Variants in MRTFB observed in about 807,000 individuals in gnomAD.
MRTFB encodes the protein myocardin-related transcription factor B.
In MRTFB, 29 loss-of-function variants were observed where a neutral mutation model predicts 104.2. That is an observed-to-expected ratio of 0.28 (90% CI 0.21 to 0.38). The LOEUF is 0.38. MRTFB is among the 10% of genes least tolerant of loss of function. The pLI, the probability that MRTFB is intolerant of heterozygous loss-of-function variation, is 1.00. For missense variants in MRTFB, 1,270 were observed against 1,341.6 expected, an observed-to-expected ratio of 0.95 and a Z score of 0.83; for synonymous variants, 535 against 519.5, an observed-to-expected ratio of 1.03 and a Z score of -0.41.
chr16:14,218,922 A>G lies in MRTFB; in HGVS notation c.617A>G (p.Gln206Arg), dbSNP rs2041555641. ...GACCAGCCTGCGAGTCAGGAGTCAC[A>G]GGGGTCAGCCGCGTCCCCAAGTGAG... Reference protein sequence around the residue: ...SPDQPASQESQGSAASPSEPK... With the variant: ...SPDQPASQESRGSAASPSEPK... The change falls in exon 8 of 17, where the codon CAG becomes CGG. Residue 206 changes from glutamine (Q) to arginine (R), a missense_variant. Around this residue, in one of 3 missense-constraint regions of MRTFB, gnomAD observed 1,144 missense variants for 1,131.5 expected, o/e 1.01. Transcript: ENST00000571589. The G allele has an allele frequency of 1.2e-6, 2 of 1,614,004 alleles. No homozygotes were observed. The highest frequency in any genetic ancestry group is 1.7e-6 in the Non-Finnish European group (2 of 1,180,000).
At chr16:14,032,116 G>A in the MRTFB span, among the ~76,000 whole-genome samples, 1 of 152,150 alleles carries the variant, frequency 6.6e-6, no homozygotes, top group East Asian at 1.9e-4. Flanking sequence ...CTAATGAGGT[G>A]ACTTTTGAAA....
At chr16:14,247,557 C>A in intron 12 of MRTFB, 50 bp downstream of exon 12, 1 of 1,481,194 alleles carries the variant, frequency 6.8e-7, no homozygotes, top group Non-Finnish European at 9.0e-7. Flanking sequence ...GCATGGAATG[C>A]AAACCCTGCT....
intron 3 of MRTFB, among the ~76,000 whole-genome samples, chr16:14,191,126 A>G (rs767107100): frequency 1.4e-4 from 21 of 152,260 alleles, no homozygotes; most frequent in South Asian, 6.2e-4. Context: ...TGCATACTCT[A>G]CCTGTACTGT....
Position 14,261,292 on chromosome 16 carries a change from G to A in MRTFB, c.3148G>A (p.Asp1050Asn), listed in dbSNP as rs767419987. 1.7e-5 allele frequency: 27 copies of A among 1,613,996 alleles called. No individual in the cohort carries two copies. The highest frequency in any genetic ancestry group is 5.3e-5 in the African/African-American group (4 of 74,992). ...FAAGTPCLSL[D>N]LSDSNLDNME... ...TGCAGGTACTCCCTGTCTGTCTCTC[G>A]ACCTGTCAGACTCAAACTTGGACAA... is the stretch of plus-strand genomic sequence containing the variant. The change falls in exon 17 of 17, where the codon GAC (aspartate) becomes AAC (asparagine). Residue 1050 changes from aspartate (D) to asparagine (N), a missense_variant. Asp to Asn is a conservative substitution (Grantham distance 23, BLOSUM62 1). Transcript: ENST00000571589.
the MRTFB span, among the ~76,000 whole-genome samples, chr16:14,053,921 A>T: frequency 1.3e-5 from 2 of 152,254 alleles, no homozygotes; most frequent in African/African-American, 4.8e-5. Flanking sequence ...AAACATGGGG[A>T]TGCAGATATT....
chr16:14,016,097 C>G, the MRTFB span: 1 of 397,568 alleles, frequency 2.5e-6, no homozygotes, highest in Non-Finnish European at 4.4e-6. Flanking sequence ...AGCTGGGAGG[C>G]AGGAAGTTTG....
intron 13 of MRTFB, among the ~76,000 whole-genome samples, chr16:14,249,880 G>C (rs527318954): frequency 2.0e-5 from 3 of 152,330 alleles, no homozygotes; most frequent in South Asian, 4.1e-4. Context: ...AGGATAGTGT[G>C]AACTGTCTGG....
At chr16:14,074,289 A>G (rs1393566945) in intron 1 of MRTFB, among the ~76,000 whole-genome samples, 2 of 152,216 alleles carry the variant, frequency 1.3e-5, no homozygotes, top group Admixed American at 6.5e-5. Flanking sequence ...AGCAAGCAGT[A>G]TCTTGTTCCA....
intron 8 of MRTFB, among the ~76,000 whole-genome samples, chr16:14,228,725 T>G (rs1295842939): frequency 1.3e-5 from 2 of 152,276 alleles, no homozygotes; most frequent in African/African-American, 4.8e-5. Flanking sequence ...ATTTATACGT[T>G]GGAATAGTAT....
chr16:14,044,194 A>G, the MRTFB span, among the ~76,000 whole-genome samples: 1 of 152,308 alleles, frequency 6.6e-6, no homozygotes, highest in Non-Finnish European at 1.5e-5. Flanking sequence ...ATAAACACCA[A>G]CTGGTGACAA....
chr16:14,215,681 G>A (rs143540934), intron 6 of MRTFB, among the ~76,000 whole-genome samples: 23 of 152,300 alleles, frequency 1.5e-4, no homozygotes, highest in African/African-American at 5.3e-4. Context: ...CATCTTGTAT[G>A]GTTAGAAGTG....
At position 14,217,260 on chromosome 16, in the gene MRTFB, G is replaced by T. The variant is rs1405042371; in HGVS notation, c.487G>T (p.Asp163Tyr). The T allele has an allele frequency of 6.2e-7, 1 of 1,612,066 alleles. No homozygotes were observed. Among genetic ancestry groups the T allele is most frequent in the African/African-American group, 1.3e-5 (1 of 74,980 alleles). Residue 163 changes from aspartate to tyrosine, a missense_variant, in exon 7 of 17, where the codon GAC becomes TAC. Asp to Tyr is a radical substitution (Grantham distance 160, BLOSUM62 -3). Coordinates refer to ENST00000571589, the MANE Select transcript of MRTFB (RefSeq NM_001308142.2). Reference sequence around the variant, plus strand: ...GGTAGAGAAAAACATCCTTCCTGTGGACTCCAGTGTTAAAGAAGCAATTAT... The same window carrying T: ...GGTAGAGAAAAACATCCTTCCTGTGTACTCCAGTGTTAAAGAAGCAATTAT... Reference protein sequence around the residue: ...ELVEKNILPVDSSVKEAIIGV... With the variant: ...ELVEKNILPVYSSVKEAIIGV...
chr16:14,100,148 A>G (rs929637738), intron 2 of MRTFB, among the ~76,000 whole-genome samples: 5 of 152,224 alleles, frequency 3.3e-5, no homozygotes, highest in African/African-American at 1.2e-4. Context: ...AATGTTGAAT[A>G]GAAATGTAAA....
intron 15 of MRTFB, among the ~76,000 whole-genome samples, chr16:14,253,149 T>C (rs1010104943): frequency 1.3e-5 from 2 of 152,160 alleles, no homozygotes; most frequent in African/African-American, 4.8e-5. Flanking sequence ...AGGGTTCCTA[T>C]TTGTAAAAGC....
chr16:14,252,486 A>C lies in MRTFB; in HGVS notation c.2687A>C (p.Gln896Pro). The C allele has an allele frequency of 6.2e-7, 1 of 1,613,936 alleles. No homozygotes were observed. Among genetic ancestry groups the C allele is most frequent in the Non-Finnish European group, 8.5e-7 (1 of 1,179,960 alleles). The change falls in exon 15 of 17, where the codon CAG becomes CCG. Residue 896 changes from glutamine to proline, a missense_variant. By Grantham distance (76) the Gln-to-Pro change is moderately conservative. Coordinates refer to ENST00000571589, the MANE Select transcript of MRTFB (RefSeq NM_001308142.2). ...GCCATCAAGCAGACACGCAGCACAC[A>C]GGCCCCTCTGCCAGAGGTAAGTGAG... ...EEAIKQTRST[Q>P]APLPEISNAH...
At chr16:14,185,321 CAG>C (rs1415411070) in intron 3 of MRTFB, among the ~76,000 whole-genome samples, 1 of 152,164 alleles carries the variant, frequency 6.6e-6, no homozygotes, top group Non-Finnish European at 1.5e-5. Context: ...GCACAAAGGA[CAG>C]AATACTTCAT....
intron 3 of MRTFB, chr16:14,143,803 T>C (rs780959724): frequency 6.6e-6 from 1 of 152,196 alleles, no homozygotes; most frequent in Non-Finnish European, 1.5e-5. Flanking sequence ...TTATGGGGTC[T>C]AGTTTCTGTT....
the MRTFB span, among the ~76,000 whole-genome samples, chr16:14,040,411 T>G: frequency 6.6e-6 from 1 of 152,192 alleles, no homozygotes; most frequent in African/African-American, 2.4e-5. Context: ...TATACTGATT[T>G]ATACTGCCAT....
the MRTFB span, among the ~76,000 whole-genome samples, chr16:14,061,178 T>A: frequency 6.6e-6 from 1 of 151,398 alleles, no homozygotes; most frequent in Non-Finnish European, 1.5e-5. Context: ...CCAAAGTTTG[T>A]GTTTTGCTCA....
Sources: gnomAD v4.1 joint callset for allele counts (sites outside exome capture counted in the v4.1 genomes callset) on GRCh38, gnomAD v4.1.1 for gene constraint, gnomAD v4.1.1 regional missense constraint, MANE v1.5 for transcripts, NCBI Gene and HGNC (gene_info 2026-07-23, HGNC 2026-07-21) for gene names.